TXLNG: variants seen among roughly 807,000 people sequenced by gnomAD.
TXLNG encodes the protein gamma-taxilin.
Under a neutral mutation model 38.8 loss-of-function variants are expected in TXLNG, and 5 were observed. That is an observed-to-expected ratio of 0.13 (90% confidence interval 0.07 to 0.27). The LOEUF (loss-of-function observed/expected upper bound fraction) is 0.27. Among genes scored for constraint, TXLNG ranks in the 10% least tolerant of loss-of-function variants. TXLNG has a pLI of 1.00. For synonymous variants in TXLNG, 182 were observed against 158.2 expected (o/e 1.15, Z -1.13); for missense variants, 393 against 398.2 (o/e 0.99, Z 0.11).
intron 3 of TXLNG, among the ~76,000 whole-genome samples, chrX:16,824,762 T>TA (rs56044570): frequency 2.9e-4 from 29 of 100,042 alleles, no homozygotes; most frequent in South Asian, 2.8e-3. Flanking sequence ...ACTAAAAAAA[T>TA]AAAAAAAAAA....
rs375767638 is a variant in TXLNG at position 16,818,221 on chromosome X, G to A, written c.103-353G>A. On this transcript the variant is annotated intron_variant, in intron 1 of 9. Coordinates refer to ENST00000380122, the MANE Select transcript of TXLNG (RefSeq NM_018360.3). Reference sequence around the variant, plus strand: ...ATCCCTGCTGTACTGTCTCCTTGAGGATAAGATTAGAATAATTAATATTCA... The same window carrying A: ...ATCCCTGCTGTACTGTCTCCTTGAGAATAAGATTAGAATAATTAATATTCA... Among the ~76,000 whole-genome samples, 19 of 111,193 alleles carry A rather than the reference G, an allele frequency of 1.7e-4. No individual in the cohort carries two copies. The South Asian group carries it at 7.3e-3, about 42-fold the overall frequency.
At chrX:16,793,473 A>G (rs1927773043) in intron 1 of TXLNG, among the ~76,000 whole-genome samples, 1 of 106,296 alleles carries the variant, frequency 9.4e-6, no homozygotes, top group Non-Finnish European at 1.9e-5. Flanking sequence ...CCTGAGTAAT[A>G]TTTACTGGCT....
chrX:16,789,888 G>A (rs1349970390), intron 1 of TXLNG, among the ~76,000 whole-genome samples: 2 of 109,042 alleles, frequency 1.8e-5, no homozygotes, highest in African/African-American at 3.3e-5. Context: ...TCCGCCTCCC[G>A]GGTTCAAGCA....
intron 1 of TXLNG, among the ~76,000 whole-genome samples, chrX:16,801,547 A>T (rs1928091801): frequency 9.0e-6 from 1 of 111,631 alleles, no homozygotes; most frequent in Admixed American, 9.6e-5. Context: ...CATTACGCTT[A>T]CCTGAAGTCT....
intron 1 of TXLNG, among the ~76,000 whole-genome samples, chrX:16,801,177 C>G (rs759311680): frequency 9.0e-6 from 1 of 111,516 alleles, no homozygotes; most frequent in South Asian, 3.8e-4. Context: ...TACCCAGTCT[C>G]GGGCATTCTT....
Position 16,814,396 on chromosome X carries a change from C to T in TXLNG, c.103-4178C>T, listed in dbSNP as rs747216898. Among the ~76,000 whole-genome samples the T allele has an allele frequency of 2.5e-4, 28 of 111,623 alleles. 1 individual carries two copies. Among genetic ancestry groups the T allele is most frequent in the Admixed American group, 3.8e-4 (4 of 10,543 alleles). ...TGGGAGGCCAAGGTAGGTGGATCAC[C>T]TAAGGTCAGGAGTTCGTGACCAGCC... On this transcript the variant is annotated intron_variant, in intron 1 of 9. Coordinates refer to ENST00000380122, the MANE Select transcript of TXLNG (RefSeq NM_018360.3).
In TXLNG at chrX:16,841,685, G is replaced by A. The variant is rs751813023; in HGVS notation, c.1506G>A (p.Glu502=). 1 of 1,212,073 alleles carries A rather than the reference G, an allele frequency of 8.3e-7. No homozygotes were observed. Among genetic ancestry groups the A allele is most frequent in the Non-Finnish European group, 1.1e-6 (1 of 895,601 alleles). ...AAAGAGCCCTGGGAGCGCACCTGGA[G>A]GCTGAGCCCAAGAGTCAGAGAAGCG... ...SSKRALGAHL[E]AEPKSQRSAV... Residue 502 remains glutamate, a synonymous_variant, in exon 10 of 10, where the codon GAG becomes GAA. Transcript: ENST00000380122.
intron 9 of TXLNG, 73 bp downstream of exon 9, chrX:16,839,989 C>A: frequency 1.2e-6 from 1 of 816,361 alleles, no homozygotes; most frequent in Non-Finnish European, 1.7e-6. Flanking sequence ...CCTATCGGGG[C>A]CGGGGACGTG....
At chrX:16,800,319 G>A (rs1301731336) in intron 1 of TXLNG, among the ~76,000 whole-genome samples, 1 of 108,895 alleles carries the variant, frequency 9.2e-6, no homozygotes, top group Admixed American at 9.8e-5. Context: ...CAGTGGCACA[G>A]TCTCAGCTCG....
chrX:16,834,599 GA>G (rs1929525131), intron 7 of TXLNG, among the ~76,000 whole-genome samples: 1 of 111,291 alleles, frequency 9.0e-6, no homozygotes, highest in Admixed American at 9.6e-5. Context: ...CGTGTCCCAG[GA>G]AATGCCCCGT....
At chrX:16,841,383 G>C (rs746115221) in intron 9 of TXLNG, 45 bp from the exon 10 acceptor site, 42 of 1,118,332 alleles carry the variant, frequency 3.8e-5, no homozygotes, top group Middle Eastern at 2.5e-4. Flanking sequence ...TTTGTAACCT[G>C]ATTGATATTT....
intron 1 of TXLNG, among the ~76,000 whole-genome samples, chrX:16,790,167 A>G (rs1015119430): frequency 7.2e-5 from 8 of 111,196 alleles, no homozygotes; most frequent in African/African-American, 2.3e-4. Flanking sequence ...CAATATTGCT[A>G]TATTATTATT....
chrX:16,831,294 G>A (rs965670219), intron 5 of TXLNG, among the ~76,000 whole-genome samples: 1 of 112,287 alleles, frequency 8.9e-6, no homozygotes, highest in East Asian at 2.8e-4. Context: ...CTAGCCGGGT[G>A]AGGTGGTACT....
Position 16,834,269 on chromosome X carries a change from T to C in TXLNG, c.985-14T>C, listed in dbSNP as rs1929513868. 2.5e-6 allele frequency: 3 copies of C among 1,194,139 alleles called. No individual in the cohort carries two copies. Among genetic ancestry groups the C allele is most frequent in the African/African-American group, 3.5e-5 (2 of 56,857 alleles). ...TTACCATTAGCATTTTGCCAGAATG[T>C]TTCTGTTTTCTAGTTATTAAAAGAA... is the stretch of plus-strand genomic sequence containing the variant. On this transcript the variant is annotated splice_polypyrimidine_tract_variant and intron_variant, in intron 6 of 9. Transcript: ENST00000380122.
chrX:16,828,402 G>A (rs1929252323), intron 4 of TXLNG, 138 bp downstream of exon 4: 1 of 614,187 alleles, frequency 1.6e-6, no homozygotes, highest in South Asian at 4.8e-5. Flanking sequence ...TTGGCCTGAT[G>A]CCTTGTGTGA....
At chrX:16,837,706 G>A (rs776124723) in intron 8 of TXLNG, 21 bp downstream of exon 8, 20 of 1,091,460 alleles carry the variant, frequency 1.8e-5, no homozygotes, top group Non-Finnish European at 2.4e-5. Flanking sequence ...ATTTTTAGTA[G>A]AATAGTATAT....
intron 7 of TXLNG, among the ~76,000 whole-genome samples, chrX:16,836,629 G>A (rs989606136): frequency 1.2e-4 from 13 of 112,240 alleles, no homozygotes; most frequent in African/African-American, 4.2e-4. Flanking sequence ...TGGCTGGGCG[G>A]GCACCATCAT....
intron 1 of TXLNG, among the ~76,000 whole-genome samples, chrX:16,813,228 C>T (rs762472421): frequency 1.6e-4 from 18 of 111,534 alleles, no homozygotes; most frequent in Non-Finnish European, 2.6e-4. Flanking sequence ...AAATGCAAAT[C>T]AAAAACACAG....
At chrX:16,806,443 CA>C (rs1194283183) in intron 1 of TXLNG, among the ~76,000 whole-genome samples, 1 of 112,222 alleles carries the variant, frequency 8.9e-6, no homozygotes, top group East Asian at 2.8e-4. Flanking sequence ...TTATTAGAAA[CA>C]AAGGGTTGGA....
Sources: allele counts gnomAD v4.1 joint callset (sites outside exome capture counted in the v4.1 genomes callset), GRCh38; gene constraint gnomAD v4.1.1; transcripts MANE v1.5; gene names NCBI Gene and HGNC (gene_info 2026-07-23, HGNC 2026-07-21).